Variants in PCDHGB4 observed in about 807,000 individuals in gnomAD.
PCDHGB4 encodes protocadherin gamma-B4.
PCDHGB4 carries 38 observed loss-of-function variants against 60.5 expected under a neutral mutation model. The ratio of observed to expected loss-of-function variants is 0.63; its 90% CI spans 0.48 to 0.82. The LOEUF is 0.82. Ranked by LOEUF, PCDHGB4 falls within the 40% of genes least tolerant of loss-of-function variation. The pLI, the probability that PCDHGB4 is intolerant of heterozygous loss-of-function variation, is 0.00. For missense variants in PCDHGB4, 1,109 were observed against 1,209.6 expected, an observed-to-expected ratio of 0.92 and a Z score of 1.23; for synonymous variants, 456 against 509.7, an observed-to-expected ratio of 0.89 and a Z score of 1.42.
chr5:141,460,924 A>ATATATG (rs1561985817), intron 1 of PCDHGB4, among the ~76,000 whole-genome samples: 1 of 150,496 alleles, frequency 6.6e-6, no homozygotes, highest in African/African-American at 2.4e-5. Flanking sequence ...ATATATATAT[A>ATATATG]TGTGTGTGTG....
rs752578230 is a variant in PCDHGB4 at position 141,388,628 on chromosome 5, G to C, written c.744G>C (p.Arg248Ser). Residue 248 changes from arginine to serine, a missense_variant, in exon 1 of 4, where the codon AGG becomes AGC. Arg to Ser is a moderately radical substitution (Grantham distance 110). This residue lies in a region of PCDHGB4 where 1,068 missense variants were observed against 1,089.9 expected (regional missense o/e 0.98). Transcript: ENST00000519479. ...CAGTGTTCAGTCAAGACGTATACAG[G>C]GTGAGCCTTTCAGAAAACGTGTACC... ...NAPVFSQDVY[R>S]VSLSENVYPG... 1 of 1,613,780 alleles carries C rather than the reference G, an allele frequency of 6.2e-7. No homozygotes were observed. Among genetic ancestry groups the C allele is most frequent in the African/African-American group, 1.3e-5 (1 of 74,892 alleles).
chr5:141,407,505 T>TTTTTTTTTTTTTTTTTTTTTTTTTTGAG (rs1460306566), intron 1 of PCDHGB4, among the ~76,000 whole-genome samples: 1 of 152,146 alleles, frequency 6.6e-6, no homozygotes, highest in Non-Finnish European at 1.5e-5. Context: ...CTGTTTTTCT[T>TTTTTTTTTTTTTTTTTTTTTTTTTTGAG]AGGCTATGTA....
chr5:141,483,606 C>T (rs1460635551), intron 1 of PCDHGB4, among the ~76,000 whole-genome samples: 1 of 151,984 alleles, frequency 6.6e-6, no homozygotes, highest in Non-Finnish European at 1.5e-5. Flanking sequence ...CTGGTTTACA[C>T]CTCCATCATT....
rs1188870363 is a variant in PCDHGB4 at position 141,490,058 on chromosome 5, C to A, written c.2398-4749C>A. 16 of 1,614,230 alleles carry A rather than the reference C, an allele frequency of 9.9e-6. No individual in the cohort carries two copies. In the East Asian group the frequency reaches 3.6e-4, roughly 36 times the overall value. The stretch of plus-strand genomic sequence containing the variant: ...AATGCCACTGATCCAGACGAGGGCA[C>A]CAACGGCCAACTAGACTATTCTTTT... On this transcript the variant is annotated intron_variant, in intron 1 of 3. Coordinates refer to ENST00000519479, the MANE Select transcript of PCDHGB4 (RefSeq NM_003736.4). This position sits in a 1 kb window ranked among gnomAD's most constrained non-coding sequence, Gnocchi z 5.4.
rs2099687715 is a variant in PCDHGB4, at chr5:141,489,479, T to G, written c.2398-5328T>G. 1.2e-6 allele frequency: 2 copies of G among 1,614,090 alleles called. No individual in the cohort carries two copies. The highest frequency in any genetic ancestry group is 1.7e-6 in the Non-Finnish European group (2 of 1,180,010). ...GGGCGCTATTTTTCCCTGAGCTTGATGAGTGGTGCCCTGGCAGTGAATCAA... is the reference window on the plus strand; with the variant it reads ...GGGCGCTATTTTTCCCTGAGCTTGAGGAGTGGTGCCCTGGCAGTGAATCAA... On this transcript the variant is annotated intron_variant, in intron 1 of 3. Transcript: ENST00000519479. This position sits in a 1 kb window ranked among gnomAD's most constrained non-coding sequence, Gnocchi z 4.5.
At position 141,491,423 on chromosome 5, in the gene PCDHGB4, G is replaced by A; in HGVS notation, c.2398-3384G>A. The A allele has an allele frequency of 3.1e-6, 5 of 1,614,126 alleles. No homozygotes were observed. Among genetic ancestry groups the A allele is most frequent in the Non-Finnish European group, 4.2e-6 (5 of 1,180,036 alleles). ...AACGCAGACGGGGACGGGGGTGGAGGGCAGTGCTGCAGGCGCCAGGACTCA... is the reference window on the plus strand; with the variant it reads ...AACGCAGACGGGGACGGGGGTGGAGAGCAGTGCTGCAGGCGCCAGGACTCA... On this transcript the variant is annotated intron_variant, in intron 1 of 3. Transcript: ENST00000519479. The surrounding 1 kb of genome is among the most constrained non-coding windows in gnomAD (Gnocchi z 6.9).
rs1562129544 is a variant in PCDHGB4 at position 141,489,362 on chromosome 5, C to G, written c.2398-5445C>G. ...TACTCAGTGGTGGAGGAGTCTGAGC[C>G]GGGGACGCTGGTGGGGAATGTTGCT... On this transcript the variant is annotated intron_variant, in intron 1 of 3. Transcript: ENST00000519479. This position sits in a 1 kb window ranked among gnomAD's most constrained non-coding sequence, Gnocchi z 4.5. 6.2e-7 allele frequency: 1 copy of G among 1,613,052 alleles called. No individual in the cohort carries two copies. Among genetic ancestry groups the G allele is most frequent in the Non-Finnish European group, 8.5e-7 (1 of 1,179,268 alleles).
chr5:141,433,564 G>A (rs1380905062), intron 1 of PCDHGB4, among the ~76,000 whole-genome samples: 1 of 152,042 alleles, frequency 6.6e-6, no homozygotes, highest in Non-Finnish European at 1.5e-5. Flanking sequence ...GGCTGGGCGC[G>A]GTGGCTCACG....
chr5:141,467,625 T>C (rs1407031447), intron 1 of PCDHGB4, among the ~76,000 whole-genome samples: 1 of 152,202 alleles, frequency 6.6e-6, no homozygotes, highest in African/African-American at 2.4e-5. Flanking sequence ...TGATTTGAGA[T>C]AGCATCTTTA....
At chr5:141,452,524 C>T (rs542476667) in intron 1 of PCDHGB4, among the ~76,000 whole-genome samples, 83 of 152,294 alleles carry the variant, frequency 5.4e-4, no homozygotes, top group African/African-American at 1.9e-3. Flanking sequence ...CCCTCAAAAT[C>T]GTGAGTTCAT....
rs762612048 is a variant in PCDHGB4 at position 141,388,612 on chromosome 5, G to A, written c.728G>A (p.Ser243Asn). The A allele has an allele frequency of 2.5e-5, 40 of 1,613,954 alleles. No homozygotes were observed. The East Asian group carries it at 5.3e-4, about 22-fold the overall frequency. ...TDANDNAPVFSQDVYRVSLSE... is the reference protein window; with the variant it reads ...TDANDNAPVFNQDVYRVSLSE... ...GCCAATGATAATGCTCCAGTGTTCAGTCAAGACGTATACAGGGTGAGCCTT... is the reference window on the plus strand; with the variant it reads ...GCCAATGATAATGCTCCAGTGTTCAATCAAGACGTATACAGGGTGAGCCTT... The change falls in exon 1 of 4, where the codon AGT (serine) becomes AAT (asparagine). Residue 243 changes from serine to asparagine, a missense_variant. This residue lies in a region of PCDHGB4 where 1,068 missense variants were observed against 1,089.9 expected (regional missense o/e 0.98). Coordinates refer to ENST00000519479, the MANE Select transcript of PCDHGB4 (RefSeq NM_003736.4).
At chr5:141,451,484 G>A (rs2098717067) in intron 1 of PCDHGB4, among the ~76,000 whole-genome samples, 1 of 152,194 alleles carries the variant, frequency 6.6e-6, no homozygotes, top group Admixed American at 6.5e-5. Flanking sequence ...CTTGCCATGT[G>A]GACCTCCATA....
intron 1 of PCDHGB4, chr5:141,391,235 G>A (rs939140536): frequency 6.6e-6 from 1 of 151,890 alleles, no homozygotes; most frequent in Admixed American, 6.6e-5. Flanking sequence ...CTTTTGCTAG[G>A]TATATCTAAG....
rs1213653891 is a variant in PCDHGB4 at position 141,419,687 on chromosome 5, C to T, written c.2397+29406C>T. 1.9e-6 allele frequency: 3 copies of T among 1,612,692 alleles called. No individual in the cohort carries two copies. In the African/African-American group the frequency reaches 4.0e-5, roughly 22 times the overall value. On this transcript the variant is annotated intron_variant, in intron 1 of 3. Transcript: ENST00000519479. ...TGCCTGGCTGTCCTACCACGTGGTG[C>T]AGGCCAGTGAGCCCGGGCTCTTCAG...
At chr5:141,410,913 G>GC (rs1270456210) in intron 1 of PCDHGB4, 4 of 263,626 alleles carry the variant, frequency 1.5e-5, no homozygotes, top group African/African-American at 1.1e-4. Flanking sequence ...GAGTGCAGTG[G>GC]CGTGATCTCT....
intron 1 of PCDHGB4, chr5:141,441,978 A>T (rs769977785): frequency 9.1e-5 from 26 of 285,248 alleles, no homozygotes; most frequent in Non-Finnish European, 1.8e-4. Flanking sequence ...TCAGCCTGGA[A>T]TGCGCACCGA....
chr5:141,463,910 A>G (rs2099071862), intron 1 of PCDHGB4, among the ~76,000 whole-genome samples: 1 of 152,178 alleles, frequency 6.6e-6, no homozygotes, highest in Admixed American at 6.5e-5. Flanking sequence ...CTAATAATAT[A>G]TCCTGGAAAT....
rs926814527 is a variant in PCDHGB4 at position 141,388,113 on chromosome 5, G to A, written c.229G>A (p.Val77Met). 7 of 1,412,244 alleles carry A rather than the reference G, an allele frequency of 5.0e-6. No individual in the cohort carries two copies. Among genetic ancestry groups the A allele is most frequent in the African/African-American group, 4.3e-5 (3 of 69,434 alleles). 87.5% of individuals were successfully genotyped at this position (1,412,244 alleles called of 1,614,324 possible). Residue 77 changes from valine to methionine, a missense_variant, in exon 1 of 4, where the codon GTG (valine) becomes ATG (methionine). Transcript: ENST00000519479. ...RVSSEKPYFT[V>M]SAESGELLVS... ...CAGTTCGGAGAAGCCTTACTTCACCGTGAGCGCAGAGAGCGGGGAGTTGCT... is the reference window on the plus strand; with the variant it reads ...CAGTTCGGAGAAGCCTTACTTCACCATGAGCGCAGAGAGCGGGGAGTTGCT...
chr5:141,447,848 G>A (rs539844218), intron 1 of PCDHGB4, among the ~76,000 whole-genome samples: 46 of 152,302 alleles, frequency 3.0e-4, no homozygotes, highest in East Asian at 2.7e-3. Context: ...TGCTTTGGGA[G>A]GCCGAGGTGG....
Sources: allele counts gnomAD v4.1 joint callset (sites outside exome capture counted in the v4.1 genomes callset), GRCh38; gene constraint gnomAD v4.1.1; regional missense constraint gnomAD v4.1.1; non-coding constraint Gnocchi (gnomAD v3.1); transcripts MANE v1.5; gene names NCBI Gene and HGNC (gene_info 2026-07-23, HGNC 2026-07-21).